ADAMTS1: variants seen among roughly 807,000 people sequenced by gnomAD.
The protein encoded by ADAMTS1 is A disintegrin and metalloproteinase with thrombospondin motifs 1.
Under a neutral mutation model 87.9 loss-of-function variants are expected in ADAMTS1, and 19 were observed. That is an observed-to-expected ratio of 0.22 (90% confidence interval 0.15 to 0.32). ADAMTS1 has a LOEUF of 0.32. Among genes scored for constraint, ADAMTS1 ranks in the 10% least tolerant of loss-of-function variants. ADAMTS1 has a pLI of 1.00. For synonymous variants in ADAMTS1, 542 were observed against 501.8 expected (o/e 1.08, Z -1.07); for missense variants, 1,240 against 1,259.1 (o/e 0.98, Z 0.23).
chr21:26,837,551 C>T lies in ADAMTS1; in HGVS notation c.*28G>A, dbSNP rs1415268372. ...ACCAGCCCTTCCTCACTTTGCCTTG[C>T]CCTCAAAGCTAACACCACTTAAACC... On this transcript the variant is annotated 3_prime_UTR_variant, in exon 9 of 9. Coordinates refer to ENST00000284984, the MANE Select transcript of ADAMTS1 (RefSeq NM_006988.5). 6.2e-6 allele frequency: 10 copies of T among 1,600,770 alleles called. No homozygotes were observed. The highest frequency in any genetic ancestry group is 8.5e-6 in the Non-Finnish European group (10 of 1,170,258).
At chr21:26,840,210 G>C (rs1049134622) in intron 5 of ADAMTS1, 66 bp downstream of exon 5, 1 of 1,573,066 alleles carries the variant, frequency 6.4e-7, no homozygotes, top group Non-Finnish European at 8.6e-7. Flanking sequence ...GTTTAACTTG[G>C]TATCATATCT....
At chr21:26,843,819 G>T (rs1985549166) in intron 1 of ADAMTS1, 1 of 464,130 alleles carries the variant, frequency 2.2e-6, no homozygotes, top group Non-Finnish European at 4.3e-6. Flanking sequence ...ACAGGCAGCG[G>T]TTACAAAACT....
Position 26,837,845 on chromosome 21 carries a change from C to G in ADAMTS1, c.2638G>C (p.Glu880Gln). ...GGCTGTCCATTAATGTCTCGGCATT[C>G]TACCAGTCTTCTCTGCCAACCCAAT... ...CELGWQRRLVECRDINGQPAS... is the reference protein window; with the variant it reads ...CELGWQRRLVQCRDINGQPAS... The change falls in exon 9 of 9, where the codon GAA (glutamate) becomes CAA (glutamine). Residue 880 changes from glutamate to glutamine, a missense_variant. Glu to Gln is a conservative substitution (Grantham distance 29). Around this residue, in one of 3 missense-constraint regions of ADAMTS1, gnomAD observed 402 missense variants for 399.1 expected, o/e 1.01. Coordinates refer to ENST00000284984, the MANE Select transcript of ADAMTS1 (RefSeq NM_006988.5). 1 of 1,614,248 alleles carries G rather than the reference C, an allele frequency of 6.2e-7. No homozygotes were observed. Among genetic ancestry groups the G allele is most frequent in the Non-Finnish European group, 8.5e-7 (1 of 1,180,046 alleles).
At chr21:26,839,449 T>C in intron 7 of ADAMTS1, 138 bp downstream of exon 7, 2 of 789,430 alleles carry the variant, frequency 2.5e-6, no homozygotes, top group Non-Finnish European at 3.9e-6. Context: ...TGCCAATTAA[T>C]GTAAAAGAAA....
At position 26,838,480 on chromosome 21, in the gene ADAMTS1, T is replaced by C. The variant is rs145513522; in HGVS notation, c.2163A>G (p.Gly721=). 5 of 1,614,156 alleles carry C rather than the reference T, an allele frequency of 3.1e-6. No homozygotes were observed. The highest frequency in any genetic ancestry group is 4.2e-6 in the Non-Finnish European group (5 of 1,180,020). ...FDKCGVCGGN[G]STCKKISGSV... ...ATCCTGATATTTTTTTACAAGTAGA[T>C]CCATTTCCCCCGCAAACACCACATT... The change falls in exon 8 of 9, where the codon GGA becomes GGG. Residue 721 remains glycine (G), a synonymous_variant. Transcript: ENST00000284984.
At chr21:26,844,171 A>G in intron 1 of ADAMTS1, 54 bp downstream of exon 1, 1 of 1,508,764 alleles carries the variant, frequency 6.6e-7, no homozygotes, top group Admixed American at 2.3e-5. Flanking sequence ...CGTGGGATAG[A>G]TAAAGTGAGG....
rs757302039 is a variant in ADAMTS1, at chr21:26,838,188, G to A, written c.2295C>T (p.Gly765=). ...CAGCAGCTTTGATGGCAAGAAAGCTGCCATTGTTCCTGGATCCCCTCTGGT... is the reference window on the plus strand; with the variant it reads ...CAGCAGCTTTGATGGCAAGAAAGCTACCATTGTTCCTGGATCCCCTCTGGT... The part of the protein sequence containing the change: ...QRNQRGSRNN[G]SFLAIKAADG... Residue 765 remains glycine, a synonymous_variant, in exon 9 of 9, where the codon GGC becomes GGT. Transcript: ENST00000284984. The A allele has an allele frequency of 1.9e-6, 3 of 1,614,022 alleles. No homozygotes were observed. In the African/African-American group the frequency reaches 4.0e-5, roughly 22 times the overall value.
At chr21:26,843,757 T>C (rs1191696416) in intron 1 of ADAMTS1, 1 of 493,590 alleles carries the variant, frequency 2.0e-6, no homozygotes, top group South Asian at 1.5e-5. Context: ...CAGGTCACCA[T>C]TGCTCCTCTG....
Position 26,845,301 on chromosome 21 carries a change from G to A in ADAMTS1, c.-347C>T. The A allele has an allele frequency of 4.1e-6, 1 of 243,976 alleles. No homozygotes were observed. The highest frequency in any genetic ancestry group is 2.2e-5 in the African/African-American group (1 of 44,762). The allele number at this position is 243,976 out of a possible 1,614,324, so 15.1% of individuals were successfully genotyped here. Reference sequence around the variant, plus strand: ...TGCCTGGCGCCCCTCTTCGGCCTCCGCCTTGGCTGCGATGTTGCTCACTCT... The same window carrying A: ...TGCCTGGCGCCCCTCTTCGGCCTCCACCTTGGCTGCGATGTTGCTCACTCT... On this transcript the variant is annotated 5_prime_UTR_variant, in exon 1 of 9. Transcript: ENST00000284984.
At position 26,844,920 on chromosome 21, in the gene ADAMTS1, C is replaced by A. The variant is rs766310011; in HGVS notation, c.35G>T (p.Arg12Leu). The A allele has an allele frequency of 1.3e-6, 2 of 1,516,952 alleles. No individual in the cohort carries two copies. Among genetic ancestry groups the A allele is most frequent in the Non-Finnish European group, 1.8e-6 (2 of 1,133,930 alleles). The allele number at this position is 1,516,952 out of a possible 1,614,324, so 94.0% of individuals were successfully genotyped here. A position where few individuals can be genotyped will look rare whatever the true frequency, so the allele number is the denominator to read the frequency against. Residue 12 changes from arginine to leucine, a missense_variant, in exon 1 of 9, where the codon CGC (arginine) becomes CTC (leucine). Physicochemically the swap from Arg to Leu is moderately radical, Grantham distance 102 (BLOSUM62 -2). Around this residue, in one of 3 missense-constraint regions of ADAMTS1, gnomAD observed 521 missense variants for 449.7 expected, o/e 1.16. Transcript: ENST00000284984. ...QRAVPEGFGRRKLGSDMGNAE... is the reference protein window; with the variant it reads ...QRAVPEGFGRLKLGSDMGNAE... ...GTTCCCCATGTCGCTGCCCAGCTTG[C>A]GCCTTCCGAACCCCTCGGGCACAGC...
In ADAMTS1 at chr21:26,844,745, T is replaced by C. The variant is rs749635301; in HGVS notation, c.210A>G (p.Gly70=). 59 of 1,563,422 alleles carry C rather than the reference T, an allele frequency of 3.8e-5. No individual in the cohort carries two copies. The highest frequency in any genetic ancestry group is 4.7e-5 in the Non-Finnish European group (54 of 1,151,584). The change falls in exon 1 of 9, where the codon GGA becomes GGG. Residue 70 remains glycine (G), a synonymous_variant. Transcript: ENST00000284984. ...LVVPELERAP[G]HGTTRLRLHA... Reference sequence around the variant, plus strand: ...GCAGGCGGAGGCGCGTGGTCCCGTGTCCCGGGGCGCGCTCCAGCTCCGGCA... The same window carrying C: ...GCAGGCGGAGGCGCGTGGTCCCGTGCCCCGGGGCGCGCTCCAGCTCCGGCA...
At position 26,839,494 on chromosome 21, in the gene ADAMTS1, A is replaced by G. The variant is rs1985444847; in HGVS notation, c.2028+93T>C. 2.4e-5 allele frequency: 28 copies of G among 1,185,526 alleles called. 1 individual carries two copies. In the South Asian group the frequency reaches 5.3e-4, roughly 23 times the overall value. The allele number at this position is 1,185,526 out of a possible 1,614,324, so 73.4% of individuals were successfully genotyped here. On this transcript the variant is annotated intron_variant, in intron 7 of 8. Coordinates refer to ENST00000284984, the MANE Select transcript of ADAMTS1 (RefSeq NM_006988.5). Reference sequence around the variant, plus strand: ...AATTTGAAATTGAAGATATGTTAATATGGAAAGCAAAGAAAGTATAACAAA... The same window carrying G: ...AATTTGAAATTGAAGATATGTTAATGTGGAAAGCAAAGAAAGTATAACAAA...
Position 26,838,143 on chromosome 21 carries a change from A to T in ADAMTS1, c.2340T>A (p.Asn780Lys), listed in dbSNP as rs1200369645. Residue 780 changes from asparagine to lysine, a missense_variant, in exon 9 of 9, where the codon AAT becomes AAA. Asn to Lys is a moderately conservative substitution (Grantham distance 94, BLOSUM62 0). This residue lies in a region of ADAMTS1 where 402 missense variants were observed against 399.1 expected (regional missense o/e 1.01). Transcript: ENST00000284984. ...IKAADGTYIL[N>K]GDYTLSTLEQ... The stretch of plus-strand genomic sequence containing the variant: ...CTAAGGTGGACAAAGTGTAGTCACC[A>T]TTAAGAATATATGTGCCATCAGCAG... The T allele has an allele frequency of 6.2e-7, 1 of 1,614,122 alleles. No individual in the cohort carries two copies. Among genetic ancestry groups the T allele is most frequent in the Non-Finnish European group, 8.5e-7 (1 of 1,180,016 alleles).
At position 26,840,559 on chromosome 21, in the gene ADAMTS1, T is replaced by A; in HGVS notation, c.1382A>T (p.Glu461Val). 1 of 1,612,934 alleles carries A rather than the reference T, an allele frequency of 6.2e-7. No homozygotes were observed. Among genetic ancestry groups the A allele is most frequent in the South Asian group, 1.1e-5 (1 of 91,016 alleles). Residue 461 changes from glutamate to valine, a missense_variant, in exon 5 of 9, where the codon GAA (glutamate) becomes GTA (valine). By Grantham distance (121) the Glu-to-Val change is moderately radical. Coordinates refer to ENST00000284984, the MANE Select transcript of ADAMTS1 (RefSeq NM_006988.5). ...ITSFLDNGHG[E>V]CLMDKPQNPI... ...ATTCTGAGGCTTGTCCATCAAACAT[T>A]CCCCTGCAAAGGAAATGCCAACCAA... is the stretch of plus-strand genomic sequence containing the variant.
At position 26,841,135 on chromosome 21, in the gene ADAMTS1, G is replaced by A. The variant is rs1350279726; in HGVS notation, c.1241C>T (p.Ala414Val). The change falls in exon 4 of 9, where the codon GCA becomes GTA. Residue 414 changes from alanine (A) to valine (V), a missense_variant. Physicochemically the swap from Ala to Val is moderately conservative, Grantham distance 64 (BLOSUM62 0). Around this residue, in one of 3 missense-constraint regions of ADAMTS1, gnomAD observed 317 missense variants for 410.3 expected, o/e 0.77. Coordinates refer to ENST00000284984, the MANE Select transcript of ADAMTS1 (RefSeq NM_006988.5). The part of the protein sequence containing the change: ...GHVFNMPHDD[A>V]KQCASLNGVN... ...ACCATTAAGGCTGGCACACTGCTTT[G>A]CATCATCATGTGGCATGTTAAACAC... The A allele has an allele frequency of 6.2e-7, 1 of 1,614,158 alleles. No homozygotes were observed. The highest frequency in any genetic ancestry group is 1.7e-4 in the Middle Eastern group (1 of 6,060).
chr21:26,841,631 G>C lies in ADAMTS1; in HGVS notation c.1210+227C>G, dbSNP rs1601923255. 2.3e-5 allele frequency: 10 copies of C among 442,130 alleles called. No individual in the cohort carries two copies. In the East Asian group the frequency reaches 3.6e-4, roughly 16 times the overall value. 27.4% of individuals were successfully genotyped at this position (442,130 alleles called of 1,614,324 possible). On this transcript the variant is annotated intron_variant, in intron 3 of 8. Coordinates refer to ENST00000284984, the MANE Select transcript of ADAMTS1 (RefSeq NM_006988.5). ...TTGCAGACCATGTCTACTTTTCACA[G>C]GGTGTAAACAAACATACACATTTCC... is the stretch of plus-strand genomic sequence containing the variant.
At chr21:26,841,223 C>G in intron 3 of ADAMTS1, 58 bp from the exon 4 acceptor site, 1 of 1,578,854 alleles carries the variant, frequency 6.3e-7, no homozygotes. Flanking sequence ...TGCGGTGGCT[C>G]ACACCTGTAA....
At chr21:26,839,236 T>C (rs1985440219) in intron 7 of ADAMTS1, 1 of 176,370 alleles carries the variant, frequency 5.7e-6, no homozygotes, top group East Asian at 1.5e-4. Flanking sequence ...TAGACTATTT[T>C]CCAAAACTAC....
Position 26,839,893 on chromosome 21 carries a change from C to T in ADAMTS1, c.1834G>A (p.Asp612Asn), listed in dbSNP as rs368167260. Residue 612 changes from aspartate to asparagine, a missense_variant, in exon 6 of 9, where the codon GAC (aspartate) becomes AAC (asparagine). Around this residue, in one of 3 missense-constraint regions of ADAMTS1, gnomAD observed 317 missense variants for 410.3 expected, o/e 0.77. Transcript: ENST00000284984. ...RVRYRSCNLEDCPDNNGKTFR... is the reference protein window; with the variant it reads ...RVRYRSCNLENCPDNNGKTFR... ...TCCTCACCATTATTGTCTGGACAGT[C>T]CTCAAGGTTACAGGATCTGTAGCGC... The T allele has an allele frequency of 5.7e-5, 92 of 1,613,862 alleles. No homozygotes were observed. Among genetic ancestry groups the T allele is most frequent in the Non-Finnish European group, 7.5e-5 (89 of 1,179,986 alleles).
Sources: gnomAD v4.1 joint callset for allele counts on GRCh38, gnomAD v4.1.1 for gene constraint, gnomAD v4.1.1 regional missense constraint, MANE v1.5 for transcripts, NCBI Gene and HGNC (gene_info 2026-07-23, HGNC 2026-07-21) for gene names.